SNX29: variants seen among roughly 807,000 people sequenced by gnomAD.
SNX29 encodes sorting nexin 29, also known as sorting nexin-29.
In SNX29, 78 loss-of-function variants were observed where a neutral mutation model predicts 102.1. The observed-to-expected ratio is 0.76, with a 90% CI of 0.64 to 0.92. SNX29 has a LOEUF of 0.92. SNX29 is among the 40% of genes least tolerant of loss of function. The pLI is 0.00. For missense variants in SNX29, 1,280 were observed against 1,061.7 expected (o/e 1.21, Z -2.86); for synonymous variants, 580 against 414.5 (o/e 1.40, Z -4.85).
chr16:12,531,993 A>G (rs1216641595), intron 20 of SNX29, among the ~76,000 whole-genome samples: 3 of 152,174 alleles, frequency 2.0e-5, no homozygotes, highest in Admixed American at 1.3e-4. Context: ...GTTTGGAGGA[A>G]TCCACAGCGA....
chr16:12,049,930 T>C (rs538545535), intron 7 of SNX29, among the ~76,000 whole-genome samples: 1 of 152,318 alleles, frequency 6.6e-6, no homozygotes, highest in East Asian at 1.9e-4. Context: ...ATTGGAAATT[T>C]TGGGCTTAAG....
intron 15 of SNX29, among the ~76,000 whole-genome samples, chr16:12,326,946 G>C (rs1315586096): frequency 6.6e-6 from 1 of 152,214 alleles, no homozygotes; most frequent in Non-Finnish European, 1.5e-5. Flanking sequence ...AATGGGGGCA[G>C]CTGCTGCAGT....
chr16:12,524,695 T>G lies in SNX29; in HGVS notation c.2179-7T>G, dbSNP rs772228984. ...TACCAAAGCGAAGATGTTTTGTGTTTCCTCAGGATGCCAAGTTTGTGGAGG... is the reference window on the plus strand; with the variant it reads ...TACCAAAGCGAAGATGTTTTGTGTTGCCTCAGGATGCCAAGTTTGTGGAGG... On this transcript the variant is annotated splice_polypyrimidine_tract_variant and splice_region_variant and intron_variant, in intron 19 of 20. Transcript: ENST00000566228. 11 of 1,612,720 alleles carry G rather than the reference T, an allele frequency of 6.8e-6. No individual in the cohort carries two copies.
chr16:12,483,624 T>C (rs2088082642), intron 19 of SNX29, among the ~76,000 whole-genome samples: 1 of 152,100 alleles, frequency 6.6e-6, no homozygotes, highest in African/African-American at 2.4e-5. Context: ...CCATTAACTT[T>C]TATATATCAC....
intron 14 of SNX29, among the ~76,000 whole-genome samples, chr16:12,230,971 C>A (rs1036201387): frequency 6.6e-6 from 1 of 152,036 alleles, no homozygotes. Context: ...CTCAGCCTCC[C>A]GAGTAGCTGG....
chr16:12,462,918 C>A (rs2086871324), intron 18 of SNX29, among the ~76,000 whole-genome samples: 1 of 152,220 alleles, frequency 6.6e-6, no homozygotes, highest in Non-Finnish European at 1.5e-5. Flanking sequence ...TGAAGTCATA[C>A]TTCCTTTTAC....
intron 15 of SNX29, among the ~76,000 whole-genome samples, chr16:12,313,629 C>T (rs183309411): frequency 1.3e-4 from 20 of 152,210 alleles, no homozygotes; most frequent in Non-Finnish European, 2.2e-4. Flanking sequence ...TTCTTGTGAG[C>T]GTTTGTTTCA....
intron 11 of SNX29, among the ~76,000 whole-genome samples, chr16:12,107,351 T>C (rs1406627845): frequency 1.4e-5 from 2 of 145,362 alleles, no homozygotes; most frequent in East Asian, 4.0e-4. Context: ...TTTTTTTTTT[T>C]TTTTTAAAAC....
intron 15 of SNX29, among the ~76,000 whole-genome samples, chr16:12,326,811 G>A (rs1488264369): frequency 6.6e-6 from 1 of 152,216 alleles, no homozygotes; most frequent in African/African-American, 2.4e-5. Context: ...GGGGCAGTGT[G>A]GTAGGGCATG....
At chr16:12,552,416 G>A (rs76832083) in intron 20 of SNX29, among the ~76,000 whole-genome samples, 1 of 152,322 alleles carries the variant, frequency 6.6e-6, no homozygotes, top group African/African-American at 2.4e-5. Flanking sequence ...TGAGGACGTG[G>A]TCAGTTCTTT....
At chr16:12,415,341 G>C (rs950810013) in intron 18 of SNX29, among the ~76,000 whole-genome samples, 1 of 152,176 alleles carries the variant, frequency 6.6e-6, no homozygotes, top group African/African-American at 2.4e-5. Flanking sequence ...GATTGCCTTG[G>C]AGTCTTGATC....
intron 20 of SNX29, among the ~76,000 whole-genome samples, chr16:12,565,807 C>G (rs541032622): frequency 6.6e-6 from 1 of 152,204 alleles, no homozygotes; most frequent in Non-Finnish European, 1.5e-5. Context: ...CACAGCAACC[C>G]TCAGCTCACT....
At chr16:12,401,052 C>T (rs756760140) in intron 17 of SNX29, among the ~76,000 whole-genome samples, 34 of 152,104 alleles carry the variant, frequency 2.2e-4, no homozygotes, top group Non-Finnish European at 3.5e-4. Flanking sequence ...AGGATGGTCT[C>T]GATCTCCTGA....
At chr16:12,546,692 C>T (rs923749481) in intron 20 of SNX29, 3 of 152,080 alleles carry the variant, frequency 2.0e-5, no homozygotes, top group African/African-American at 7.2e-5. Flanking sequence ...CCATCTAGAC[C>T]CACTGTGATT....
At chr16:12,004,457 G>C (rs1398943082) in intron 3 of SNX29, among the ~76,000 whole-genome samples, 1 of 152,142 alleles carries the variant, frequency 6.6e-6, no homozygotes, top group Non-Finnish European at 1.5e-5. Context: ...CTTGGTAAAG[G>C]TAGGAGACAC....
chr16:12,550,939 G>A (rs556647331), intron 20 of SNX29, among the ~76,000 whole-genome samples: 4 of 152,292 alleles, frequency 2.6e-5, no homozygotes, highest in African/African-American at 9.6e-5. Flanking sequence ...TAAATTTTTA[G>A]TTGAATCATA....
intron 3 of SNX29, among the ~76,000 whole-genome samples, chr16:12,013,500 A>AATATATATATATATATATAT (rs66491414): frequency 6.7e-4 from 21 of 31,574 alleles, no homozygotes; most frequent in South Asian, 2.8e-3. Flanking sequence ...AAAAAAAAAA[A>AATATATATATATATATATAT]ATATATATAT....
At chr16:12,018,629 G>A (rs977103258) in intron 3 of SNX29, among the ~76,000 whole-genome samples, 2 of 151,400 alleles carry the variant, frequency 1.3e-5, no homozygotes, top group Non-Finnish European at 2.9e-5. Context: ...TTACTGTTAT[G>A]CATCAAGTTC....
chr16:12,528,941 C>G (rs1451582076), intron 20 of SNX29, among the ~76,000 whole-genome samples: 2 of 152,216 alleles, frequency 1.3e-5, no homozygotes, highest in South Asian at 2.1e-4. Context: ...TTACTTAAAA[C>G]TTTCAGTCCA....
Sources: allele counts gnomAD v4.1 joint callset (sites outside exome capture counted in the v4.1 genomes callset), GRCh38; gene constraint gnomAD v4.1.1; transcripts MANE v1.5; gene names NCBI Gene and HGNC (gene_info 2026-07-23, HGNC 2026-07-21).